DNM3: variants seen among roughly 807,000 people sequenced by gnomAD.
DNM3 encodes dynamin-3.
A neutral mutation model predicts 101.6 loss-of-function variants in DNM3; 47 were observed. The observed-to-expected ratio is 0.46, with a 90% CI of 0.37 to 0.59. The LOEUF (loss-of-function observed/expected upper bound fraction) is 0.59, where lower values mean the gene tolerates loss of function less well. DNM3 is among the 20% of genes least tolerant of loss of function. The pLI, the probability that DNM3 is intolerant of heterozygous loss-of-function variation, is 0.00. For synonymous variants in DNM3, 385 were observed against 387.9 expected (o/e 0.99, Z 0.09); for missense variants, 849 against 1,085.7 (o/e 0.78, Z 3.06).
chr1:172,251,127 T>C (rs1467666980), intron 14 of DNM3, among the ~76,000 whole-genome samples: 2 of 152,164 alleles, frequency 1.3e-5, no homozygotes, highest in African/African-American at 4.8e-5. Flanking sequence ...CTGTGGCTAG[T>C]GGCTACCATA....
chr1:172,316,552 A>G (rs1182997133), intron 16 of DNM3, among the ~76,000 whole-genome samples: 1 of 152,150 alleles, frequency 6.6e-6, no homozygotes, highest in African/African-American at 2.4e-5. Context: ...AGATCTACCA[A>G]GCAAATGGAA....
intron 13 of DNM3, among the ~76,000 whole-genome samples, chr1:172,103,813 C>T (rs942488895): frequency 6.6e-6 from 1 of 152,110 alleles, no homozygotes; most frequent in Admixed American, 6.5e-5. Flanking sequence ...CCATCCTGGC[C>T]AACATAGTGA....
At chr1:172,013,885 A>C (rs1206256037) in intron 4 of DNM3, among the ~76,000 whole-genome samples, 1 of 152,078 alleles carries the variant, frequency 6.6e-6, no homozygotes, top group Non-Finnish European at 1.5e-5. Context: ...TATGTACCAC[A>C]TACTTTACAG....
At position 172,030,782 on chromosome 1, in the gene DNM3, C is replaced by G. The variant is rs956690469; in HGVS notation, c.590-1620C>G. Among the ~76,000 whole-genome samples, 10 of 152,090 alleles carry G rather than the reference C, an allele frequency of 6.6e-5. No individual in the cohort carries two copies. In the East Asian group the frequency reaches 1.7e-3, roughly 26 times the overall value. ...TTCTCGAATGAAGACATTTATGTAGCCAACAAACATATGAAAAAAAGCTCA... is the reference window on the plus strand; with the variant it reads ...TTCTCGAATGAAGACATTTATGTAGGCAACAAACATATGAAAAAAAGCTCA... On this transcript the variant is annotated intron_variant, in intron 4 of 20. Transcript: ENST00000627582.
At chr1:172,187,024 A>C (rs1422248976) in intron 14 of DNM3, among the ~76,000 whole-genome samples, 1 of 152,098 alleles carries the variant, frequency 6.6e-6, no homozygotes, top group African/African-American at 2.4e-5. Flanking sequence ...ATCTTTGCAC[A>C]TGATTTGTTC....
chr1:172,262,770 C>A (rs1001734425), intron 15 of DNM3, among the ~76,000 whole-genome samples: 10 of 152,164 alleles, frequency 6.6e-5, no homozygotes, highest in Non-Finnish European at 1.3e-4. Context: ...TTTGAACAGG[C>A]CATGATATAC....
At chr1:172,009,712 CT>C (rs968820653) in intron 4 of DNM3, among the ~76,000 whole-genome samples, 90 of 144,782 alleles carry the variant, frequency 6.2e-4, no homozygotes, top group Admixed American at 1.3e-3. Context: ...CAATGAACAT[CT>C]TTTTTTTTTT....
intron 15 of DNM3, among the ~76,000 whole-genome samples, chr1:172,271,056 A>G (rs2063065457): frequency 6.6e-6 from 1 of 152,282 alleles, no homozygotes; most frequent in Non-Finnish European, 1.5e-5. Flanking sequence ...AAGTTGCTCT[A>G]TCATCACTGT....
intron 1 of DNM3, among the ~76,000 whole-genome samples, chr1:171,871,913 A>G (rs2035329858): frequency 6.7e-6 from 1 of 149,744 alleles, no homozygotes; most frequent in African/African-American, 2.5e-5. Flanking sequence ...TTTCTCTAGA[A>G]AGATAGATTC....
intron 13 of DNM3, among the ~76,000 whole-genome samples, chr1:172,126,303 T>C (rs1572623180): frequency 6.6e-6 from 1 of 152,300 alleles, no homozygotes; most frequent in East Asian, 1.9e-4. Flanking sequence ...CATGGGTAAC[T>C]GGTAAGAGAT....
chr1:172,043,845 A>G (rs928164897), intron 8 of DNM3, among the ~76,000 whole-genome samples: 1 of 152,170 alleles, frequency 6.6e-6, no homozygotes, highest in Non-Finnish European at 1.5e-5. Context: ...CCTACTTCCA[A>G]ATAGATTTAT....
intron 11 of DNM3, among the ~76,000 whole-genome samples, chr1:172,070,325 C>T (rs1558519985): frequency 6.6e-6 from 1 of 152,092 alleles, no homozygotes; most frequent in Non-Finnish European, 1.5e-5. Flanking sequence ...TGTCTAATGT[C>T]TTGGCCCCTC....
chr1:171,964,895 A>G (rs2043463749), intron 2 of DNM3, among the ~76,000 whole-genome samples: 1 of 151,882 alleles, frequency 6.6e-6, no homozygotes, highest in Non-Finnish European at 1.5e-5. Context: ...ACTGATGGAA[A>G]ACTGTGTCTC....
chr1:172,350,628 G>T (rs1188243826), intron 17 of DNM3, among the ~76,000 whole-genome samples: 2 of 152,118 alleles, frequency 1.3e-5, no homozygotes, highest in Non-Finnish European at 2.9e-5. Context: ...AGAGCCTGGG[G>T]TATGCTAATG....
chr1:171,881,791 T>C (rs992775567), intron 1 of DNM3, among the ~76,000 whole-genome samples: 9 of 152,218 alleles, frequency 5.9e-5, no homozygotes, highest in African/African-American at 1.9e-4. Flanking sequence ...TCAGCAAAGA[T>C]GTCTGTTAGC....
At chr1:171,850,767 G>GTTTT (rs367677909) in intron 1 of DNM3, among the ~76,000 whole-genome samples, 1 of 139,862 alleles carries the variant, frequency 7.1e-6, no homozygotes. Flanking sequence ...TTAGGGCTTT[G>GTTTT]TTTTTTTTTT....
chr1:171,973,101 A>C lies in DNM3; in HGVS notation c.236-14555A>C, dbSNP rs138445437. Reference sequence around the variant, plus strand: ...AGATATGATTCCTATATTTTGGGAAATGCCCATATGTAGGGGGCGGGGGAG... The same window carrying C: ...AGATATGATTCCTATATTTTGGGAACTGCCCATATGTAGGGGGCGGGGGAG... On this transcript the variant is annotated intron_variant, in intron 2 of 20. Transcript: ENST00000627582. Among the ~76,000 whole-genome samples, 814 of 152,290 alleles carry C rather than the reference A, an allele frequency of 5.3e-3. 3 individuals carry two copies. The highest frequency in any genetic ancestry group is 0.024 in the Middle Eastern group (7 of 294).
intron 18 of DNM3, among the ~76,000 whole-genome samples, chr1:172,384,951 G>A (rs975334546): frequency 6.6e-5 from 10 of 152,168 alleles, no homozygotes; most frequent in Middle Eastern, 3.2e-3. Context: ...AAGTGAATGC[G>A]TCTGTAAGGA....
In DNM3 at chr1:172,241,932, G is replaced by C. The variant is rs555632586; in HGVS notation, c.1660-11641G>C. ...TTTTGAATTGCACTCAAACATTACAGGGCATTGGAAGAAGTGTTGAGATAG... is the reference window on the plus strand; with the variant it reads ...TTTTGAATTGCACTCAAACATTACACGGCATTGGAAGAAGTGTTGAGATAG... On this transcript the variant is annotated intron_variant, in intron 14 of 20. Coordinates refer to ENST00000627582, the MANE Select transcript of DNM3 (RefSeq NM_015569.5). 3.3e-5 allele frequency among the ~76,000 whole-genome samples: 5 copies of C among 152,304 alleles called. No homozygotes were observed. The South Asian group carries it at 1.0e-3, about 32-fold the overall frequency.
Sources: allele counts gnomAD v4.1 joint callset (sites outside exome capture counted in the v4.1 genomes callset), GRCh38; gene constraint gnomAD v4.1.1; transcripts MANE v1.5; gene names NCBI Gene and HGNC (gene_info 2026-07-23, HGNC 2026-07-21).